FAM227A: variants seen among roughly 807,000 people sequenced by gnomAD.
FAM227A encodes the protein family with sequence similarity 227 member A, also known as protein FAM227A.
FAM227A carries 80 observed loss-of-function variants against 74.7 expected under a neutral mutation model. The ratio of observed to expected loss-of-function variants is 1.07; its 90% CI spans 0.89 to 1.29. The LOEUF (loss-of-function observed/expected upper bound fraction) is 1.29. Among genes scored for constraint, FAM227A ranks in the 50% most tolerant of loss-of-function variants. The pLI is 0.00. For missense variants in FAM227A, 654 were observed against 683.4 expected (o/e 0.96, Z 0.48); for synonymous variants, 237 against 241.8 (o/e 0.98, Z 0.19).
At chr22:38,649,761 A>G (rs2092296173) in intron 2 of FAM227A, among the ~76,000 whole-genome samples, 8 of 147,370 alleles carry the variant, frequency 5.4e-5, no homozygotes, top group Admixed American at 5.4e-4. Context: ...TCAGCTACTC[A>G]GGAGGCTGAG....
Position 38,620,270 on chromosome 22 carries a change from GCAAA to G in FAM227A, c.976_979del (p.Phe326LeufsTer58), listed in dbSNP as rs778086994. 3.2e-6 allele frequency: 5 copies of G among 1,551,038 alleles called. No individual in the cohort carries two copies. The highest frequency in any genetic ancestry group is 4.9e-5 in the East Asian group (2 of 40,936). ...CTTCTGGGAGAAGGCTCTCTTACCA[GCAAA>G]CAAAGAAAACTCTCTCCCTATAGAA... On this transcript the variant is annotated frameshift_variant, in exon 11 of 17. Transcript: ENST00000535113. LOFTEE classifies it high-confidence loss of function.
chr22:38,618,365 T>C (rs1779346655), intron 11 of FAM227A: 1 of 152,180 alleles, frequency 6.6e-6, no homozygotes, highest in East Asian at 1.9e-4. Flanking sequence ...AAAGAATCCT[T>C]ATCTTCCATT....
Position 38,626,281 on chromosome 22 carries a change from T to C in FAM227A, c.749A>G (p.Lys250Arg). Residue 250 changes from lysine to arginine, a missense_variant, in exon 9 of 17, where the codon AAA (lysine) becomes AGA (arginine). Lys to Arg is a conservative substitution (Grantham distance 26). Coordinates refer to ENST00000535113, the MANE Select transcript of FAM227A (RefSeq NM_001013647.2). ...GCAACAGAAGCTGGTGTACACGGCT[T>C]TGCTGAGAAGTGATGGCAGCCTCTG... ...LLKRLPSLLSKAVYTSFCCCF... is the reference protein window; with the variant it reads ...LLKRLPSLLSRAVYTSFCCCF... 6.4e-7 allele frequency: 1 copy of C among 1,551,554 alleles called. No individual in the cohort carries two copies. Among genetic ancestry groups the C allele is most frequent in the Non-Finnish European group, 8.7e-7 (1 of 1,146,898 alleles).
chr22:38,613,280 CATATATA>C (rs1167971945), intron 11 of FAM227A, among the ~76,000 whole-genome samples: 34 of 56,030 alleles, frequency 6.1e-4, no homozygotes, highest in African/African-American at 2.4e-3. Context: ...TATTATATAT[CATATATA>C]ATATATATCA....
At chr22:38,594,430 C>G (rs2091000967) in intron 15 of FAM227A, among the ~76,000 whole-genome samples, 1 of 152,214 alleles carries the variant, frequency 6.6e-6, no homozygotes, top group Admixed American at 6.5e-5. Flanking sequence ...CCACTTTAAA[C>G]ACACTGTCTT....
chr22:38,599,985 C>A, intron 13 of FAM227A, 64 bp from the exon 14 acceptor site: 1 of 1,401,136 alleles, frequency 7.1e-7, no homozygotes, highest in South Asian at 1.5e-5. Context: ...TATTAAGAAC[C>A]AGAAAGGCAT....
At chr22:38,609,642 C>T (rs138559511) in intron 11 of FAM227A, among the ~76,000 whole-genome samples, 13 of 152,276 alleles carry the variant, frequency 8.5e-5, no homozygotes, top group South Asian at 4.1e-4. Flanking sequence ...AGGAGAAAGC[C>T]GAAAGGACTT....
At chr22:38,620,623 G>A (rs2145549488) in intron 10 of FAM227A, among the ~76,000 whole-genome samples, 1 of 152,018 alleles carries the variant, frequency 6.6e-6, no homozygotes, top group Non-Finnish European at 1.5e-5. Context: ...CTAACACGGT[G>A]AAACCCTGTC....
chr22:38,617,026 C>A (rs1364047265), intron 11 of FAM227A, among the ~76,000 whole-genome samples: 1 of 151,640 alleles, frequency 6.6e-6, no homozygotes, highest in Non-Finnish European at 1.5e-5. Context: ...CTGGGTGGTG[C>A]TGGGGAGGAG....
At chr22:38,602,294 A>G (rs2091194416) in intron 13 of FAM227A, among the ~76,000 whole-genome samples, 1 of 152,050 alleles carries the variant, frequency 6.6e-6, no homozygotes, top group Non-Finnish European at 1.5e-5. Context: ...GGCCTCCCCC[A>G]ATGTCCCCCT....
At chr22:38,608,754 C>T (rs1036388513) in intron 11 of FAM227A, among the ~76,000 whole-genome samples, 4 of 148,362 alleles carry the variant, frequency 2.7e-5, no homozygotes, top group African/African-American at 1.0e-4. Flanking sequence ...TTCCAGCACA[C>T]GGTTCCAGCT....
intron 1 of FAM227A, among the ~76,000 whole-genome samples, chr22:38,654,419 AG>A (rs1412285457): frequency 6.6e-6 from 1 of 151,972 alleles, no homozygotes; most frequent in Non-Finnish European, 1.5e-5. Flanking sequence ...GCGGGAAGTG[AG>A]GCTGGAAAGG....
In FAM227A at chr22:38,591,471, T is replaced by C. The variant is rs760305030; in HGVS notation, c.1602A>G (p.Ser534=). The change falls in exon 16 of 17, where the codon TCA becomes TCG. Residue 534 remains serine, a synonymous_variant. Coordinates refer to ENST00000535113, the MANE Select transcript of FAM227A (RefSeq NM_001013647.2). ...KKANHMFIPP[S]AVNEESPDKK... Reference sequence around the variant, plus strand: ...TGTCAGGTGATTCCTCATTGACGGCTGAAGGTGGGATGAACATGTGGTTTG... The same window carrying C: ...TGTCAGGTGATTCCTCATTGACGGCCGAAGGTGGGATGAACATGTGGTTTG... The C allele has an allele frequency of 6.4e-6, 10 of 1,551,476 alleles. No individual in the cohort carries two copies. Among genetic ancestry groups the C allele is most frequent in the South Asian group, 1.2e-5 (1 of 83,990 alleles).
intron 10 of FAM227A, among the ~76,000 whole-genome samples, chr22:38,621,172 C>T (rs943893652): frequency 2.0e-5 from 3 of 151,676 alleles, no homozygotes; most frequent in Non-Finnish European, 4.4e-5. Flanking sequence ...CCCTGTCTCA[C>T]CCTGTATTTT....
chr22:38,637,717 G>A (rs1244038777), intron 5 of FAM227A, among the ~76,000 whole-genome samples: 1 of 152,256 alleles, frequency 6.6e-6, no homozygotes, highest in Admixed American at 6.5e-5. Context: ...TCAATGGATT[G>A]TATGACAGTT....
chr22:38,591,690 C>G, intron 15 of FAM227A, 150 bp from the exon 16 acceptor site: 1 of 572,544 alleles, frequency 1.7e-6, no homozygotes, highest in Non-Finnish European at 2.9e-6. Context: ...TGCACAGATT[C>G]TAAGTGTGCA....
At chr22:38,595,321 C>T (rs1221737513) in intron 15 of FAM227A, among the ~76,000 whole-genome samples, 1 of 152,110 alleles carries the variant, frequency 6.6e-6, no homozygotes, top group Admixed American at 6.6e-5. Context: ...GGAAATCTCG[C>T]CCTCCTTGGC....
At chr22:38,628,793 T>C in intron 7 of FAM227A, 41 bp downstream of exon 7, 2 of 1,182,552 alleles carry the variant, frequency 1.7e-6, no homozygotes, top group South Asian at 2.7e-5. Context: ...TGTAGAAAAA[T>C]AACTTAAGCA....
chr22:38,619,682 G>A (rs1173393342), intron 11 of FAM227A, among the ~76,000 whole-genome samples: 1 of 152,136 alleles, frequency 6.6e-6, no homozygotes, highest in Non-Finnish European at 1.5e-5. Flanking sequence ...ATGGGATGAT[G>A]TACTTAGCTT....
Sources: gnomAD v4.1 joint callset for allele counts (sites outside exome capture counted in the v4.1 genomes callset) on GRCh38, gnomAD v4.1.1 for gene constraint, MANE v1.5 for transcripts, NCBI Gene and HGNC (gene_info 2026-07-23, HGNC 2026-07-21) for gene names.